Variants in TEX15 observed in about 807,000 individuals in gnomAD.
TEX15 encodes the protein testis expressed 15, meiosis and synapsis associated.
Under a neutral mutation model 237.3 loss-of-function variants are expected in TEX15, and 171 were observed. The ratio of observed to expected loss-of-function variants is 0.72; its 90% CI spans 0.64 to 0.82. The LOEUF (loss-of-function observed/expected upper bound fraction) is 0.82, where lower values mean the gene tolerates loss of function less well. Among genes scored for constraint, TEX15 ranks in the 40% least tolerant of loss-of-function variants. The pLI is 0.00. For missense variants in TEX15, 3,750 were observed against 3,646.5 expected (o/e 1.03, Z -0.73); for synonymous variants, 1,338 against 1,269.8 (o/e 1.05, Z -1.14).
chr8:30,884,649 T>G (rs1808607176), intron 3 of TEX15, among the ~76,000 whole-genome samples: 1 of 152,216 alleles, frequency 6.6e-6, no homozygotes, highest in African/African-American at 2.4e-5. Flanking sequence ...CCCTTATCCT[T>G]TTAATGCCCA....
At chr8:30,907,037 C>T (rs1298354650) in intron 1 of TEX15, among the ~76,000 whole-genome samples, 1 of 152,104 alleles carries the variant, frequency 6.6e-6, no homozygotes, top group Non-Finnish European at 1.5e-5. Context: ...TTGTATAAAT[C>T]TTCGTAAGAA....
In TEX15 at chr8:30,858,758, C is replaced by G; in HGVS notation, c.760G>C (p.Val254Leu). The change falls in exon 7 of 11, where the codon GTA becomes CTA. Residue 254 changes from valine to leucine, a missense_variant. Physicochemically the swap from Val to Leu is conservative, Grantham distance 32. Coordinates refer to ENST00000643185, the MANE Select transcript of TEX15 (RefSeq NM_001350162.2). ...KPRQCLPYAV[V>L]TVKFLGSKVD... ...TTTGAACCAAGAAATTTTACTGTTACTACAGCATATGGAAGACATTGCCTA... is the reference window on the plus strand; with the variant it reads ...TTTGAACCAAGAAATTTTACTGTTAGTACAGCATATGGAAGACATTGCCTA... 6.5e-7 allele frequency: 1 copy of G among 1,535,542 alleles called. No homozygotes were observed. Among genetic ancestry groups the G allele is most frequent in the Non-Finnish European group, 8.7e-7 (1 of 1,146,514 alleles).
intron 2 of TEX15, among the ~76,000 whole-genome samples, chr8:30,894,282 C>T (rs1808851021): frequency 6.6e-6 from 1 of 152,098 alleles, no homozygotes; most frequent in South Asian, 2.1e-4. Flanking sequence ...GACTGTACTC[C>T]AGCCTGGGCA....
intron 1 of TEX15, among the ~76,000 whole-genome samples, chr8:30,905,734 C>CAA (rs34079195): frequency 0.038 from 1,937 of 50,924 alleles, 94 homozygotes; most frequent in African/African-American, 0.11. Flanking sequence ...ACAAAAAATA[C>CAA]AAAAAAAAAA....
chr8:30,871,118 A>G (rs1808282547), intron 4 of TEX15, among the ~76,000 whole-genome samples: 1 of 151,896 alleles, frequency 6.6e-6, no homozygotes, highest in South Asian at 2.1e-4. Flanking sequence ...CTCTTCTGTT[A>G]CTAAAAGCTC....
rs745430900 is a variant in TEX15 at position 30,848,216 on chromosome 8, T to A, written c.1951A>T (p.Thr651Ser). 7.4e-6 allele frequency: 12 copies of A among 1,612,910 alleles called. No homozygotes were observed. The South Asian group carries it at 1.2e-4, about 16-fold the overall frequency. ...KEIDNDFTNE[T>S]KISPIDNYIV... The stretch of plus-strand genomic sequence containing the variant: ...TAATTATCTATTGGACTGATTTTTG[T>A]TTCATTAGTGAAATCATTATCAATT... Residue 651 changes from threonine to serine, a missense_variant, in exon 8 of 11, where the codon ACA (threonine) becomes TCA (serine). Transcript: ENST00000643185.
rs960120494 is a variant in TEX15, at chr8:30,875,190, ATAAC to A, written c.137-92_137-89del. 2.2e-5 allele frequency: 19 copies of A among 871,162 alleles called. No homozygotes were observed. In the African/African-American group the frequency reaches 2.3e-4, roughly 10 times the overall value. The allele number at this position is 871,162 out of a possible 1,614,324, so 54.0% of individuals were successfully genotyped here. A position where few individuals can be genotyped will look rare whatever the true frequency, so the allele number is the denominator to read the frequency against. On this transcript the variant is annotated intron_variant, in intron 3 of 10. Transcript: ENST00000643185. ...GACAACTGTATCTCTAAGACACAAAATAACTAAGTACTGGAATTTTCATTAACAA... is the reference window on the plus strand; with the variant it reads ...GACAACTGTATCTCTAAGACACAAAATAAGTACTGGAATTTTCATTAACAA...
chr8:30,871,108 C>T (rs1225951698), intron 4 of TEX15, among the ~76,000 whole-genome samples: 1 of 152,014 alleles, frequency 6.6e-6, no homozygotes, highest in Non-Finnish European at 1.5e-5. Context: ...TTCTGCCTCC[C>T]TCTTCTGTTA....
chr8:30,847,492 G>A lies in TEX15; in HGVS notation c.2675C>T (p.Thr892Ile). The A allele has an allele frequency of 2.5e-6, 4 of 1,613,208 alleles. 1 individual carries two copies. In the East Asian group the frequency reaches 6.7e-5, roughly 27 times the overall value. The change falls in exon 8 of 11, where the codon ACA becomes ATA. Residue 892 changes from threonine (T) to isoleucine (I), a missense_variant. Transcript: ENST00000643185. ...ATCTATATTGCTGAAATTTTCGTTTGTATGAGAATCCTGCTTTTTGTCTCC... is the reference window on the plus strand; with the variant it reads ...ATCTATATTGCTGAAATTTTCGTTTATATGAGAATCCTGCTTTTTGTCTCC... ...IYGDKKQDSHTNENFSNIDEK... is the reference protein window; with the variant it reads ...IYGDKKQDSHINENFSNIDEK...
At chr8:30,889,598 T>C (rs989554613) in intron 2 of TEX15, among the ~76,000 whole-genome samples, 1 of 152,124 alleles carries the variant, frequency 6.6e-6, no homozygotes, top group Non-Finnish European at 1.5e-5. Context: ...CACAAAAAGC[T>C]AAGTTTACAA....
intron 2 of TEX15, among the ~76,000 whole-genome samples, chr8:30,892,989 T>C (rs553731794): frequency 1.4e-5 from 2 of 145,416 alleles, no homozygotes; most frequent in South Asian, 4.3e-4. Context: ...GCCGAGATTG[T>C]GCCACTGCAC....
chr8:30,896,386 A>C (rs1234157978), intron 2 of TEX15, among the ~76,000 whole-genome samples: 1 of 152,142 alleles, frequency 6.6e-6, no homozygotes, highest in Non-Finnish European at 1.5e-5. Flanking sequence ...GCCAAATCTC[A>C]GTCTTTTAGA....
chr8:30,846,933 T>C lies in TEX15; in HGVS notation c.3234A>G (p.Thr1078=), dbSNP rs1807631143. The C allele has an allele frequency of 2.5e-6, 4 of 1,613,598 alleles. No homozygotes were observed. The South Asian group carries it at 4.4e-5, about 18-fold the overall frequency. The part of the protein sequence containing the change: ...CDDAFIFQQD[T]HSHENMLCEE... ...CACAAAGCATGTTTTCATGGCTATG[T>C]GTATCTTGTTGAAATATAAAAGCAT... Residue 1078 remains threonine (T), a synonymous_variant, in exon 8 of 11, where the codon ACA becomes ACG. Coordinates refer to ENST00000643185, the MANE Select transcript of TEX15 (RefSeq NM_001350162.2).
At chr8:30,841,867 T>C in intron 8 of TEX15, 137 bp downstream of exon 8, 1 of 555,782 alleles carries the variant, frequency 1.8e-6, no homozygotes, top group Non-Finnish European at 3.1e-6. Context: ...TAAATCAATA[T>C]TATAGTTAGT....
In TEX15 at chr8:30,845,100, C is replaced by G. The variant is rs61736162; in HGVS notation, c.5067G>C (p.Glu1689Asp). Residue 1689 changes from glutamate to aspartate, a missense_variant, in exon 8 of 11, where the codon GAG becomes GAC. Glu to Asp is a conservative substitution (Grantham distance 45). Coordinates refer to ENST00000643185, the MANE Select transcript of TEX15 (RefSeq NM_001350162.2). ...CTGTAATAATGTTTTGTTTGGGTCT[C>G]TCAATAGGATCTGTCCACTTTACTT... ...NLEVKWTDPI[E>D]RPKQNIITGN... is the part of the protein sequence containing the mutation. The G allele has an allele frequency of 1.2e-3, 1,973 of 1,613,536 alleles. 21 individuals are homozygous for G. In the African/African-American group the frequency reaches 0.022, roughly 18 times the overall value.
intron 7 of TEX15, among the ~76,000 whole-genome samples, chr8:30,856,500 G>A (rs1807916393): frequency 6.6e-6 from 1 of 152,100 alleles, no homozygotes; most frequent in African/African-American, 2.4e-5. Context: ...GCTGCGGTGA[G>A]CCAAGTTGTG....
At chr8:30,887,889 CATATATATATATATATATAT>C (rs36204928) in intron 2 of TEX15, 181 of 108,054 alleles carry the variant, frequency 1.7e-3, no homozygotes, top group African/African-American at 3.8e-3. Context: ...ATATATATTT[CATATATATATATATATATAT>C]ATATATATAT....
intron 3 of TEX15, among the ~76,000 whole-genome samples, chr8:30,876,146 C>G (rs1350544539): frequency 1.3e-5 from 2 of 152,152 alleles, no homozygotes; most frequent in Non-Finnish European, 2.9e-5. Context: ...AAAATGCCAT[C>G]TGCATTATGT....
intron 1 of TEX15, among the ~76,000 whole-genome samples, chr8:30,902,604 A>G (rs1809029208): frequency 6.6e-6 from 1 of 152,214 alleles, no homozygotes; most frequent in Non-Finnish European, 1.5e-5. Flanking sequence ...TAAAATATTT[A>G]TAGTGAAGTA....
Sources: gnomAD v4.1 joint callset for allele counts (sites outside exome capture counted in the v4.1 genomes callset) on GRCh38, gnomAD v4.1.1 for gene constraint, MANE v1.5 for transcripts, NCBI Gene and HGNC (gene_info 2026-07-23, HGNC 2026-07-21) for gene names.